Variants in ABHD10 observed in about 807,000 individuals in gnomAD.
ABHD10 encodes palmitoyl-protein thioesterase ABHD10, mitochondrial.
A neutral mutation model predicts 33.1 loss-of-function variants in ABHD10; 22 were observed. That is an observed-to-expected ratio of 0.66 (90% confidence interval 0.47 to 0.95). ABHD10 has a LOEUF of 0.95. ABHD10 is among the 40% of genes least tolerant of loss of function. The probability of loss-of-function intolerance (pLI) is 0.00; values close to 1 mark genes in which losing one functional copy is unlikely to be tolerated. For missense variants in ABHD10, 352 were observed against 379.9 expected, an observed-to-expected ratio of 0.93 and a Z score of 0.61; for synonymous variants, 146 against 133.9, an observed-to-expected ratio of 1.09 and a Z score of -0.62.
In ABHD10 at chr3:111,986,938, G is replaced by A; in HGVS notation, c.463G>A (p.Gly155Arg). The change falls in exon 4 of 5, where the codon GGG becomes AGG. Residue 155 changes from glycine to arginine, a missense_variant. Gly to Arg is a moderately radical substitution (Grantham distance 125). Transcript: ENST00000273359. ...PQILVGSSLG[G>R]WLMLHAAIAR... is the part of the protein sequence containing the mutation. The stretch of plus-strand genomic sequence containing the variant: ...GATTCTTGTTGGATCTAGCCTTGGA[G>A]GGTGGCTTATGCTTCATGCTGCAAT... The A allele has an allele frequency of 6.2e-7, 1 of 1,609,150 alleles. No individual in the cohort carries two copies. Among genetic ancestry groups the A allele is most frequent in the Non-Finnish European group, 8.5e-7 (1 of 1,178,860 alleles).
chr3:111,986,933 T>G lies in ABHD10; in HGVS notation c.458T>G (p.Leu153Arg), dbSNP rs1661040757. 4 of 1,608,734 alleles carry G rather than the reference T, an allele frequency of 2.5e-6. No individual in the cohort carries two copies. The highest frequency in any genetic ancestry group is 1.3e-5 in the African/African-American group (1 of 74,636). ...TTTTAGATTCTTGTTGGATCTAGCC[T>G]TGGAGGGTGGCTTATGCTTCATGCT... ...DGPQILVGSS[L>R]GGWLMLHAAI... Residue 153 changes from leucine (L) to arginine (R), a missense_variant, in exon 4 of 5, where the codon CTT (leucine) becomes CGT (arginine). By Grantham distance (102) the Leu-to-Arg change is moderately radical (BLOSUM62 -2). Coordinates refer to ENST00000273359, the MANE Select transcript of ABHD10 (RefSeq NM_018394.4).
intron 4 of ABHD10, among the ~76,000 whole-genome samples, chr3:111,990,175 T>C (rs2072722727): frequency 6.6e-6 from 1 of 152,062 alleles, no homozygotes; most frequent in African/African-American, 2.4e-5. Flanking sequence ...AATAAACTTT[T>C]ATGCTCAAAA....
Position 111,991,620 on chromosome 3 carries a change from C to T in ABHD10, c.820C>T (p.Arg274Ter), listed in dbSNP as rs768753107. 10 of 1,613,888 alleles carry T rather than the reference C, an allele frequency of 6.2e-6. No individual in the cohort carries two copies. Among genetic ancestry groups the T allele is most frequent in the South Asian group, 2.2e-5 (2 of 91,070 alleles). ...VLSTDVDVIL[R>*]KHSDHRMREK... ...CAGCACAGATGTGGATGTCATCCTC[C>T]GAAAACACAGTGATCACCGAATGAG... The change falls in exon 5 of 5, where the codon CGA (arginine) becomes TGA (stop). Residue 274 changes from arginine (R) to a stop codon, truncating the protein, a stop_gained. Coordinates refer to ENST00000273359, the MANE Select transcript of ABHD10 (RefSeq NM_018394.4). LOFTEE classifies it high-confidence loss of function.
At chr3:111,986,887 T>TA in intron 3 of ABHD10, 27 bp from the exon 4 acceptor site, 3 of 1,554,280 alleles carry the variant, frequency 1.9e-6, no homozygotes, top group Non-Finnish European at 2.6e-6. Flanking sequence ...CTTAAAGACC[T>TA]AATGTTTTAT....
chr3:111,987,741 T>C (rs1297797957), intron 4 of ABHD10, among the ~76,000 whole-genome samples: 1 of 152,210 alleles, frequency 6.6e-6, no homozygotes, highest in East Asian at 1.9e-4. Context: ...CCAGATATTT[T>C]TGATACAAAG....
At chr3:111,987,164 G>C (rs2072678835) in intron 4 of ABHD10, 113 bp downstream of exon 4, 15 of 1,237,386 alleles carry the variant, frequency 1.2e-5, no homozygotes, top group Non-Finnish European at 1.6e-5. Flanking sequence ...TTGACTTACT[G>C]TGCTGGCCCA....
chr3:111,982,079 A>G, intron 2 of ABHD10, 112 bp downstream of exon 2: 1 of 884,398 alleles, frequency 1.1e-6, no homozygotes. Context: ...CATTATTTTA[A>G]TGGTCTGTAA....
At chr3:111,991,307 T>C in intron 4 of ABHD10, 70 bp from the exon 5 acceptor site, 1 of 1,341,712 alleles carries the variant, frequency 7.5e-7, no homozygotes, top group Non-Finnish European at 1.0e-6. Flanking sequence ...TTAGATTACT[T>C]AAAACTATTG....
rs909945266 is a variant in ABHD10, at chr3:111,984,895, A to G, written c.327-1369A>G. On this transcript the variant is annotated intron_variant, in intron 2 of 4. Coordinates refer to ENST00000273359, the MANE Select transcript of ABHD10 (RefSeq NM_018394.4). ...TGAACATAAGAAGAAATGAGAAAGAATGGTGATGGTATAGGGCAGGCAGTA... is the reference window on the plus strand; with the variant it reads ...TGAACATAAGAAGAAATGAGAAAGAGTGGTGATGGTATAGGGCAGGCAGTA... Among the ~76,000 whole-genome samples, 3 of 152,320 alleles carry G rather than the reference A, an allele frequency of 2.0e-5. No individual in the cohort carries two copies. The Middle Eastern group carries it at 0.01, about 518-fold the overall frequency.
intron 1 of ABHD10, among the ~76,000 whole-genome samples, chr3:111,981,040 TCA>T (rs896234715): frequency 8.6e-5 from 13 of 151,792 alleles, no homozygotes; most frequent in Admixed American, 6.6e-4. Flanking sequence ...GCATGGTGGC[TCA>T]CACCTGTAAT....
chr3:111,987,354 A>G lies in ABHD10; in HGVS notation c.576+303A>G, dbSNP rs2072680938. On this transcript the variant is annotated intron_variant, in intron 4 of 4. Coordinates refer to ENST00000273359, the MANE Select transcript of ABHD10 (RefSeq NM_018394.4). ...TTTTAGCCACATTTTCTTTATTATT[A>G]CATTTACTTATTTGAATCATACATC... Among the ~76,000 whole-genome samples the G allele has an allele frequency of 2.0e-5, 3 of 152,086 alleles. No homozygotes were observed. The South Asian group carries it at 6.2e-4, about 32-fold the overall frequency.
At chr3:111,979,862 G>A (rs374237911) in intron 1 of ABHD10, among the ~76,000 whole-genome samples, 1 of 152,200 alleles carries the variant, frequency 6.6e-6, no homozygotes, top group Non-Finnish European at 1.5e-5. Flanking sequence ...GCTTGGAGTG[G>A]TAATTAATGT....
At chr3:111,985,572 G>A (rs73232036) in intron 2 of ABHD10, among the ~76,000 whole-genome samples, 17,525 of 152,190 alleles carry the variant, frequency 0.12, 1,172 homozygotes, top group African/African-American at 0.16. Context: ...TATATCTCAA[G>A]TAGTAATAAG....
At chr3:111,980,328 A>G (rs1459599547) in intron 1 of ABHD10, among the ~76,000 whole-genome samples, 2 of 152,196 alleles carry the variant, frequency 1.3e-5, no homozygotes, top group Admixed American at 1.3e-4. Context: ...ATACTTTGAA[A>G]CAAGCTTTTA....
At chr3:111,981,222 G>T (rs760154141) in intron 1 of ABHD10, among the ~76,000 whole-genome samples, 1 of 150,070 alleles carries the variant, frequency 6.7e-6, no homozygotes, top group Non-Finnish European at 1.5e-5. Context: ...ACGATGGCTT[G>T]AGCCTGAGGA....
chr3:111,985,033 A>G (rs2072637021), intron 2 of ABHD10, among the ~76,000 whole-genome samples: 1 of 152,214 alleles, frequency 6.6e-6, no homozygotes. Context: ...ACAATATGAA[A>G]AGTGTTGAGT....
chr3:111,983,303 A>G (rs1288252389), intron 2 of ABHD10, among the ~76,000 whole-genome samples: 1 of 152,134 alleles, frequency 6.6e-6, no homozygotes, highest in Non-Finnish European at 1.5e-5. Flanking sequence ...CATAATATCA[A>G]AAATATTGTT....
At chr3:111,981,311 C>CAAA (rs11301143) in intron 1 of ABHD10, among the ~76,000 whole-genome samples, 145 of 90,976 alleles carry the variant, frequency 1.6e-3, no homozygotes, top group African/African-American at 2.2e-3. Flanking sequence ...GACCCTGTCT[C>CAAA]AAAAAAAAAA....
intron 2 of ABHD10, among the ~76,000 whole-genome samples, chr3:111,983,704 CAT>C (rs2072616562): frequency 6.6e-6 from 1 of 152,100 alleles, no homozygotes; most frequent in South Asian, 2.1e-4. Flanking sequence ...AGAAATAAAA[CAT>C]ATGACTATAT....
Sources: gnomAD v4.1 joint callset for allele counts (sites outside exome capture counted in the v4.1 genomes callset) on GRCh38, gnomAD v4.1.1 for gene constraint, MANE v1.5 for transcripts, NCBI Gene and HGNC (gene_info 2026-07-23, HGNC 2026-07-21) for gene names.